The following SPP2 variants were observed in gnomAD, a reference collection of about 807,000 sequenced individuals.
SPP2 encodes secreted phosphoprotein 24.
Under a neutral mutation model 28.8 loss-of-function variants are expected in SPP2, and 34 were observed. The ratio of observed to expected loss-of-function variants is 1.18; its 90% CI spans 0.90 to 1.57. SPP2 has a LOEUF of 1.57. Ranked by LOEUF, SPP2 falls within the 40% of genes most tolerant of loss-of-function variation. The pLI is 0.00. For missense variants in SPP2, 269 were observed against 263.9 expected (o/e 1.02, Z -0.13); for synonymous variants, 96 against 89.4 (o/e 1.07, Z -0.42).
At chr2:234,054,947 C>T (rs1693576589) in intron 2 of SPP2, among the ~76,000 whole-genome samples, 1 of 152,262 alleles carries the variant, frequency 6.6e-6, no homozygotes, top group South Asian at 2.1e-4. Flanking sequence ...TACCTTTCAA[C>T]CTCTTTGCAT....
At chr2:234,073,321 G>C (rs535465981) in intron 7 of SPP2, among the ~76,000 whole-genome samples, 1 of 152,228 alleles carries the variant, frequency 6.6e-6, no homozygotes, top group African/African-American at 2.4e-5. Context: ...GCTAAGAACA[G>C]TGTATAGAAT....
chr2:234,064,247 GTC>G (rs10556319), intron 4 of SPP2, among the ~76,000 whole-genome samples: 116,037 of 149,086 alleles, frequency 0.78, 45,346 homozygotes, highest in South Asian at 0.86. Context: ...TCCTTCCTCT[GTC>G]TCTCTCTCTC....
In SPP2 at chr2:234,058,949, C is replaced by A; in HGVS notation, c.324C>A (p.Asp108Glu). Reference sequence around the variant, plus strand: ...CCGCTACATGTGCCTTCCAGAGGGACTACTATGTGGTAAGTGGGAGGAGAC... The same window carrying A: ...CCGCTACATGTGCCTTCCAGAGGGAATACTATGTGGTAAGTGGGAGGAGAC... The part of the protein sequence containing the change: ...EDPATCAFQR[D>E]YYVSTAVCRS... Residue 108 changes from aspartate (D) to glutamate (E), a missense_variant, in exon 3 of 8, where the codon GAC becomes GAA. Transcript: ENST00000168148. 6.2e-7 allele frequency: 1 copy of A among 1,613,544 alleles called. No individual in the cohort carries two copies. The highest frequency in any genetic ancestry group is 8.5e-7 in the Non-Finnish European group (1 of 1,179,748).
At chr2:234,052,316 C>T (rs28903986) in intron 2 of SPP2, among the ~76,000 whole-genome samples, 2,132 of 152,244 alleles carry the variant, frequency 0.014, 64 homozygotes, top group African/African-American at 0.048. Flanking sequence ...TTTCCATTGG[C>T]ATTTAATGAA....
intron 4 of SPP2, among the ~76,000 whole-genome samples, chr2:234,062,302 G>A (rs1693734915): frequency 6.6e-6 from 1 of 152,208 alleles, no homozygotes; most frequent in Non-Finnish European, 1.5e-5. Context: ...GCGGGTAGAA[G>A]TCAGAACAAA....
At chr2:234,058,275 GCTA>G (rs1693647402) in intron 2 of SPP2, among the ~76,000 whole-genome samples, 1 of 151,458 alleles carries the variant, frequency 6.6e-6, no homozygotes, top group Non-Finnish European at 1.5e-5. Flanking sequence ...TAAACATAAA[GCTA>G]CTAACAAAAA....
At chr2:234,058,592 G>A (rs1693654226) in intron 2 of SPP2, among the ~76,000 whole-genome samples, 1 of 152,174 alleles carries the variant, frequency 6.6e-6, no homozygotes, top group Admixed American at 6.5e-5. Context: ...TACTGGCCTT[G>A]GAGTTAGAAC....
chr2:234,066,174 T>C (rs982639823), intron 4 of SPP2, among the ~76,000 whole-genome samples: 1 of 152,156 alleles, frequency 6.6e-6, no homozygotes, highest in South Asian at 2.1e-4. Flanking sequence ...ACTGAACATA[T>C]TACAGTGACT....
chr2:234,052,149 T>A (rs1559169667), intron 2 of SPP2, among the ~76,000 whole-genome samples: 1 of 152,192 alleles, frequency 6.6e-6, no homozygotes, highest in South Asian at 2.1e-4. Context: ...TATGCTTTTT[T>A]TTAGGTGCCA....
At chr2:234,066,430 A>G in intron 4 of SPP2, 103 bp from the exon 5 acceptor site, 1 of 891,392 alleles carries the variant, frequency 1.1e-6, no homozygotes, top group South Asian at 1.4e-5. Flanking sequence ...AATGGATTAT[A>G]TAACATATAT....
chr2:234,067,467 G>T (rs753936883), intron 6 of SPP2, among the ~76,000 whole-genome samples, 193 bp downstream of exon 6: 2 of 152,132 alleles, frequency 1.3e-5, no homozygotes, highest in Non-Finnish European at 2.9e-5. Flanking sequence ...GTAGCCTTGA[G>T]GCACTAACTG....
chr2:234,067,238 G>A lies in SPP2; in HGVS notation c.514G>A (p.Glu172Lys), dbSNP rs147173896. The change falls in exon 6 of 8, where the codon GAG becomes AAG. Residue 172 changes from glutamate to lysine, a missense_variant. Transcript: ENST00000168148. The stretch of plus-strand genomic sequence containing the variant: ...CTGTGTTACAGGTCTCATTTCAGAC[G>A]AGTCCATAAGTGAACAATTTTATGA... ...NNYLFGLISD[E>K]SISEQFYDRS... The A allele has an allele frequency of 2.4e-5, 39 of 1,613,812 alleles. No individual in the cohort carries two copies. In the African/African-American group the frequency reaches 3.6e-4, roughly 15 times the overall value.
At chr2:234,070,448 A>G (rs1690741154) in intron 7 of SPP2, among the ~76,000 whole-genome samples, 1 of 152,028 alleles carries the variant, frequency 6.6e-6, no homozygotes. Flanking sequence ...CTGGATGTGT[A>G]CTTTATTTAT....
chr2:234,073,155 TG>T (rs1690830705), intron 7 of SPP2, among the ~76,000 whole-genome samples: 2 of 152,232 alleles, frequency 1.3e-5, no homozygotes, highest in South Asian at 4.1e-4. Flanking sequence ...CCCGAAGTGC[TG>T]GGATTACAGG....
At chr2:234,063,680 TGCAG>T (rs1693763151) in intron 4 of SPP2, among the ~76,000 whole-genome samples, 2 of 152,178 alleles carry the variant, frequency 1.3e-5, no homozygotes, top group African/African-American at 4.8e-5. Flanking sequence ...CTCGTACTGG[TGCAG>T]GCCCCATCAG....
intron 4 of SPP2, among the ~76,000 whole-genome samples, chr2:234,060,727 A>T (rs1357847306): frequency 1.3e-5 from 2 of 148,838 alleles, no homozygotes; most frequent in East Asian, 3.9e-4. Flanking sequence ...ACACACACAC[A>T]CATATGCACA....
At chr2:234,050,942 C>T in intron 1 of SPP2, 29 bp from the exon 2 acceptor site, 3 of 1,613,976 alleles carry the variant, frequency 1.9e-6, no homozygotes, top group Non-Finnish European at 2.5e-6. Flanking sequence ...TGTCTTGTCT[C>T]ACTGTGCCCC....
chr2:234,076,453 C>T (rs887839318), intron 7 of SPP2, among the ~76,000 whole-genome samples: 1 of 152,198 alleles, frequency 6.6e-6, no homozygotes, highest in East Asian at 1.9e-4. Flanking sequence ...ACTCTAACTA[C>T]TTCCACCCCC....
At chr2:234,057,938 T>C (rs1288523151) in intron 2 of SPP2, among the ~76,000 whole-genome samples, 1 of 152,220 alleles carries the variant, frequency 6.6e-6, no homozygotes, top group African/African-American at 2.4e-5. Flanking sequence ...GTAGTAGTTA[T>C]GTTGTATAAA....
Sources: allele counts gnomAD v4.1 joint callset (sites outside exome capture counted in the v4.1 genomes callset), GRCh38; gene constraint gnomAD v4.1.1; transcripts MANE v1.5; gene names NCBI Gene and HGNC (gene_info 2026-07-23, HGNC 2026-07-21).